SF3A1: variants seen among roughly 807,000 people sequenced by gnomAD.
SF3A1 encodes splicing factor 3a subunit 1, also known as SAP 114.
SF3A1 carries 13 observed loss-of-function variants against 89.9 expected under a neutral mutation model. That is an observed-to-expected ratio of 0.14 (90% CI 0.09 to 0.23). The LOEUF (loss-of-function observed/expected upper bound fraction) is 0.23, where lower values mean the gene tolerates loss of function less well. Ranked by LOEUF, SF3A1 falls within the 10% of genes least tolerant of loss-of-function variation. SF3A1 has a pLI of 1.00. For synonymous variants in SF3A1, 405 were observed against 374.4 expected (o/e 1.08, Z -0.94); for missense variants, 604 against 1,022.1 (o/e 0.59, Z 5.58).
intron 13 of SF3A1, 68 bp downstream of exon 13, chr22:30,336,958 A>G (rs1931084877): frequency 1.9e-6 from 3 of 1,590,312 alleles, no homozygotes; most frequent in Non-Finnish European, 2.6e-6. Context: ...TCAGTTTCGC[A>G]AGTGTACGAC....
In SF3A1 at chr22:30,333,581, T is replaced by C. The variant is rs1049005348; in HGVS notation, c.*1013A>G. ...GGACTGTGACGTGTTTTGCACACATTCTCTTTTCACTTTCACAGTGTGTGA... is the reference window on the plus strand; with the variant it reads ...GGACTGTGACGTGTTTTGCACACATCCTCTTTTCACTTTCACAGTGTGTGA... On this transcript the variant is annotated 3_prime_UTR_variant, in exon 16 of 16. Coordinates refer to ENST00000215793, the MANE Select transcript of SF3A1 (RefSeq NM_005877.6). The C allele has an allele frequency of 2.3e-4, 35 of 152,192 alleles. 2 individuals are homozygous for C. Among genetic ancestry groups the C allele is most frequent in the Non-Finnish European group, 2.9e-5 (2 of 68,026 alleles). 9.4% of individuals were successfully genotyped at this position (152,192 alleles called of 1,614,324 possible). A position where few individuals can be genotyped will look rare whatever the true frequency, so the allele number is the denominator to read the frequency against.
At chr22:30,349,698 C>T (rs370932248) in intron 2 of SF3A1, among the ~76,000 whole-genome samples, 5 of 145,066 alleles carry the variant, frequency 3.4e-5, no homozygotes, top group Admixed American at 2.1e-4. Flanking sequence ...TAGGGTCTTG[C>T]TCTATCGCCC....
intron 2 of SF3A1, among the ~76,000 whole-genome samples, chr22:30,348,844 T>C (rs1165043401): frequency 2.6e-5 from 4 of 152,250 alleles, no homozygotes; most frequent in Non-Finnish European, 5.9e-5. Context: ...GGGGCCCTGG[T>C]TGTCTCCTGT....
chr22:30,342,166 G>A (rs1474144686), intron 6 of SF3A1, 34 bp downstream of exon 6: 10 of 1,612,716 alleles, frequency 6.2e-6, no homozygotes, highest in Non-Finnish European at 8.5e-6. Flanking sequence ...TGAGTTCCTG[G>A]CTCCCCATCT....
In SF3A1 at chr22:30,341,713, G is replaced by T; in HGVS notation, c.1050C>A (p.Thr350=). The T allele has an allele frequency of 6.2e-7, 1 of 1,613,944 alleles. No homozygotes were observed. Among genetic ancestry groups the T allele is most frequent in the Non-Finnish European group, 8.5e-7 (1 of 1,179,956 alleles). The part of the protein sequence containing the change: ...EEPPSQLDQD[T]QVQDMDEGSD... ...TTACCTCATCCATATCTTGTACTTG[G>T]GTGTCCTGGTCCAGCTGGGAAGGAG... Residue 350 remains threonine (T), a synonymous_variant, in exon 7 of 16, where the codon ACC becomes ACA. Coordinates refer to ENST00000215793, the MANE Select transcript of SF3A1 (RefSeq NM_005877.6).
At chr22:30,346,664 T>A in intron 2 of SF3A1, 145 bp from the exon 3 acceptor site, 1 of 847,178 alleles carries the variant, frequency 1.2e-6, no homozygotes, top group Non-Finnish European at 1.8e-6. Flanking sequence ...TCTAGCTTCC[T>A]GGCATTGGCG....
chr22:30,341,980 C>T, intron 6 of SF3A1, 95 bp from the exon 7 acceptor site: 1 of 1,325,580 alleles, frequency 7.5e-7, no homozygotes, highest in Non-Finnish European at 1.0e-6. Flanking sequence ...TGTCTGTTTT[C>T]TCTCCAGCTA....
At chr22:30,348,612 C>CA (rs1983383138) in intron 2 of SF3A1, among the ~76,000 whole-genome samples, 1 of 152,196 alleles carries the variant, frequency 6.6e-6, no homozygotes, top group Admixed American at 6.5e-5. Context: ...GGCTCCTCAG[C>CA]AAGTCGTGGT....
chr22:30,337,261 GGT>G, intron 12 of SF3A1, 81 bp from the exon 13 acceptor site: 1 of 1,305,378 alleles, frequency 7.7e-7, no homozygotes, highest in Non-Finnish European at 1.0e-6. Context: ...TGAGAGGGAA[GGT>G]TGCAAAGGTT....
intron 5 of SF3A1, 144 bp from the exon 6 acceptor site, chr22:30,342,494 G>C: frequency 1.1e-6 from 1 of 915,026 alleles, no homozygotes; most frequent in Non-Finnish European, 1.6e-6. Context: ...ATTTGCACCT[G>C]GTTCCACCCA....
At position 30,338,791 on chromosome 22, in the gene SF3A1, T is replaced by C. The variant is rs759375192; in HGVS notation, c.1741A>G (p.Thr581Ala). ...TTCCAGGGTAGATGCTGGCTTACTG[T>C]GGGTGGTCGGGGCACTGAAGTGATG... is the stretch of plus-strand genomic sequence containing the variant. ...PPITSVPRPP[T>A]MPPPVRTTVV... Residue 581 changes from threonine to alanine, a missense_variant and splice_region_variant, in exon 11 of 16, where the codon ACA (threonine) becomes GCA (alanine). Thr to Ala is a moderately conservative substitution (Grantham distance 58). Transcript: ENST00000215793. The C allele has an allele frequency of 1.9e-6, 3 of 1,613,794 alleles. No homozygotes were observed. The highest frequency in any genetic ancestry group is 2.7e-5 in the African/African-American group (2 of 74,872).
chr22:30,356,892 G>T lies in SF3A1; in HGVS notation c.-100C>A. 9.3e-7 allele frequency: 1 copy of T among 1,080,132 alleles called. No homozygotes were observed. The highest frequency in any genetic ancestry group is 1.2e-6 in the Non-Finnish European group (1 of 841,736). The allele number at this position is 1,080,132 out of a possible 1,614,324, so 66.9% of individuals were successfully genotyped here. On this transcript the variant is annotated 5_prime_UTR_variant, in exon 1 of 16. Coordinates refer to ENST00000215793, the MANE Select transcript of SF3A1 (RefSeq NM_005877.6). ...GGTCAGTACGACGAGCTCGCAAGAT[G>T]GCGGCGGCCGAGCGAGTTGCGGCCG...
At position 30,339,038 on chromosome 22, in the gene SF3A1, C is replaced by T; in HGVS notation, c.1498-4G>A. ...CTGAGTGGCCATCCCAGGTCACCTG[C>T]AAGTGAAAGCAAAGCCACAATGCTT... is the stretch of plus-strand genomic sequence containing the variant. On this transcript the variant is annotated splice_polypyrimidine_tract_variant and splice_region_variant and intron_variant, in intron 10 of 15. Coordinates refer to ENST00000215793, the MANE Select transcript of SF3A1 (RefSeq NM_005877.6). The T allele has an allele frequency of 6.2e-7, 1 of 1,613,960 alleles. No homozygotes were observed. The highest frequency in any genetic ancestry group is 1.1e-5 in the South Asian group (1 of 91,082).
intron 1 of SF3A1, among the ~76,000 whole-genome samples, chr22:30,353,648 G>C (rs1931667939): frequency 6.6e-6 from 1 of 152,130 alleles, no homozygotes; most frequent in African/African-American, 2.4e-5. Context: ...ACGCTTACTT[G>C]ATCTATTATG....
At chr22:30,340,590 A>G (rs774053392) in intron 8 of SF3A1, 105 bp downstream of exon 8, 238 of 858,476 alleles carry the variant, frequency 2.8e-4, no homozygotes, top group Non-Finnish European at 4.2e-4. Flanking sequence ...TGCTTTTACA[A>G]TAAGCTGCAC....
chr22:30,342,914 C>A, intron 4 of SF3A1, 35 bp from the exon 5 acceptor site: 1 of 1,390,692 alleles, frequency 7.2e-7, no homozygotes, highest in Non-Finnish European at 1.0e-6. Flanking sequence ...ACTGTCAGTG[C>A]TTTACAACGC....
At chr22:30,355,703 T>C (rs1369817870) in intron 1 of SF3A1, among the ~76,000 whole-genome samples, 1 of 152,158 alleles carries the variant, frequency 6.6e-6, no homozygotes, top group Non-Finnish European at 1.5e-5. Flanking sequence ...CCTCGGTGTC[T>C]TTGCGCATAT....
At chr22:30,344,781 AG>A (rs1432480243) in intron 4 of SF3A1, 151 bp downstream of exon 4, 7 of 870,884 alleles carry the variant, frequency 8.0e-6, no homozygotes, top group Non-Finnish European at 1.3e-5. Context: ...ATAGAAATCA[AG>A]GTTTTACATT....
chr22:30,354,241 C>T (rs1335642514), intron 1 of SF3A1, among the ~76,000 whole-genome samples: 1 of 152,216 alleles, frequency 6.6e-6, no homozygotes, highest in Non-Finnish European at 1.5e-5. Flanking sequence ...CCACACCTTC[C>T]TCTGGCAGCT....
Sources: allele counts gnomAD v4.1 joint callset (sites outside exome capture counted in the v4.1 genomes callset), GRCh38; gene constraint gnomAD v4.1.1; transcripts MANE v1.5; gene names NCBI Gene and HGNC (gene_info 2026-07-23, HGNC 2026-07-21).